Variants in KIAA1671 observed in about 807,000 individuals in gnomAD.
KIAA1671 encodes the protein KIAA1671.
KIAA1671 carries 52 observed loss-of-function variants against 131.2 expected under a neutral mutation model. The observed-to-expected ratio is 0.40, with a 90% CI of 0.32 to 0.50. The LOEUF (loss-of-function observed/expected upper bound fraction) is 0.50, where lower values mean the gene tolerates loss of function less well. KIAA1671 is among the 20% of genes least tolerant of loss of function. The probability of loss-of-function intolerance (pLI) is 0.73; values close to 1 mark genes in which losing one functional copy is unlikely to be tolerated. For synonymous variants in KIAA1671, 1,003 were observed against 961.6 expected (o/e 1.04, Z -0.80); for missense variants, 2,360 against 2,364.2 (o/e 1.00, Z 0.04).
At chr22:25,156,723 G>A (rs1298662621) in intron 6 of KIAA1671, among the ~76,000 whole-genome samples, 1 of 148,854 alleles carries the variant, frequency 6.7e-6, no homozygotes, top group Non-Finnish European at 1.5e-5. Flanking sequence ...ATCTGTGTGT[G>A]CGTGCATCTG....
chr22:25,036,967 T>C (rs940883558), intron 4 of KIAA1671, among the ~76,000 whole-genome samples: 3 of 152,020 alleles, frequency 2.0e-5, no homozygotes, highest in African/African-American at 7.2e-5. Flanking sequence ...GAACTTTGTA[T>C]TGTTTGGATT....
chr22:25,111,539 C>A (rs1931344616), intron 6 of KIAA1671, among the ~76,000 whole-genome samples: 1 of 152,220 alleles, frequency 6.6e-6, no homozygotes, highest in South Asian at 2.1e-4. Flanking sequence ...CTGGTGGCTG[C>A]CTCCGGAAGT....
intron 6 of KIAA1671, among the ~76,000 whole-genome samples, chr22:25,094,709 G>A (rs1336384821): frequency 1.3e-5 from 2 of 152,136 alleles, no homozygotes; most frequent in African/African-American, 4.8e-5. Context: ...AAAGGTGATT[G>A]TGAAAATGAA....
intron 6 of KIAA1671, among the ~76,000 whole-genome samples, chr22:25,069,089 C>T (rs909858882): frequency 6.6e-6 from 1 of 152,170 alleles, no homozygotes; most frequent in African/African-American, 2.4e-5. Flanking sequence ...ATTTGAATCC[C>T]TGTCTCACTG....
At chr22:25,186,864 GA>G (rs1437753456) in intron 11 of KIAA1671, among the ~76,000 whole-genome samples, 6 of 152,246 alleles carry the variant, frequency 3.9e-5, no homozygotes, top group African/African-American at 1.4e-4. Flanking sequence ...GGTAATGCCA[GA>G]ATTCTGGCTC....
At position 25,039,024 on chromosome 22, in the gene KIAA1671, C is replaced by T; in HGVS notation, c.1894C>T (p.Leu632Phe). 6.4e-7 allele frequency: 1 copy of T among 1,551,728 alleles called. No homozygotes were observed. Among genetic ancestry groups the T allele is most frequent in the Non-Finnish European group, 8.7e-7 (1 of 1,147,028 alleles). ...HTVADQSGRC[L>F]STTPPGDMAH... ...AGTGGCTGACCAGTCGGGACGTTGT[C>T]TCTCCACCACACCCCCTGGTGACAT... Residue 632 changes from leucine to phenylalanine, a missense_variant, in exon 5 of 13, where the codon CTC becomes TTC. Leu to Phe is a conservative substitution (Grantham distance 22). Around this residue, in one of 3 missense-constraint regions of KIAA1671, gnomAD observed 1,185 missense variants for 1,126.2 expected, o/e 1.05. Transcript: ENST00000358431.
At chr22:25,005,694 C>T (rs1924712382) in intron 1 of KIAA1671, among the ~76,000 whole-genome samples, 1 of 152,182 alleles carries the variant, frequency 6.6e-6, no homozygotes, top group East Asian at 1.9e-4. Flanking sequence ...GTCAGTGATG[C>T]CAAAGGTCAT....
intron 1 of KIAA1671, chr22:25,012,534 A>G (rs945086193): frequency 6.6e-6 from 1 of 152,016 alleles, no homozygotes; most frequent in Non-Finnish European, 1.5e-5. Flanking sequence ...GAGCCTCCCA[A>G]AGTGTTGAGA....
intron 1 of KIAA1671, among the ~76,000 whole-genome samples, chr22:24,978,718 CTG>C (rs1923046579): frequency 6.6e-6 from 1 of 152,188 alleles, no homozygotes; most frequent in Non-Finnish European, 1.5e-5. Context: ...GAGTCTCACT[CTG>C]TCACCCAGGC....
intron 6 of KIAA1671, among the ~76,000 whole-genome samples, chr22:25,105,031 C>CTT (rs75088120): frequency 6.7e-6 from 1 of 148,874 alleles, no homozygotes; most frequent in Admixed American, 6.7e-5. Flanking sequence ...CCTTCCTTTT[C>CTT]TTTTTTTTTT....
At chr22:25,054,793 G>A (rs905143132) in intron 6 of KIAA1671, 4 of 149,784 alleles carry the variant, frequency 2.7e-5, no homozygotes, top group Admixed American at 2.0e-4. Flanking sequence ...CTGAGAAGCA[G>A]GAGTTCGAGA....
chr22:25,078,158 G>C (rs1929213459), intron 6 of KIAA1671, among the ~76,000 whole-genome samples: 1 of 152,212 alleles, frequency 6.6e-6, no homozygotes, highest in Non-Finnish European at 1.5e-5. Context: ...CTGTCAGGCA[G>C]GGAGGTTGCT....
intron 6 of KIAA1671, among the ~76,000 whole-genome samples, chr22:25,125,713 T>A (rs1414126059): frequency 6.6e-6 from 1 of 152,214 alleles, no homozygotes; most frequent in African/African-American, 2.4e-5. Context: ...CAAAAATGTT[T>A]CCAGCCATTG....
At chr22:25,110,806 T>G (rs765886010) in intron 6 of KIAA1671, among the ~76,000 whole-genome samples, 15 of 152,116 alleles carry the variant, frequency 9.9e-5, no homozygotes, top group Admixed American at 2.6e-4. Context: ...CGTGACCTAG[T>G]GTAAACCATG....
intron 6 of KIAA1671, among the ~76,000 whole-genome samples, chr22:25,133,412 C>T (rs1932533617): frequency 6.6e-6 from 1 of 152,218 alleles, no homozygotes. Flanking sequence ...TTGTATCTTG[C>T]ATAACACACT....
intron 1 of KIAA1671, among the ~76,000 whole-genome samples, chr22:24,985,057 G>C (rs1923447805): frequency 6.6e-6 from 1 of 151,898 alleles, no homozygotes; most frequent in Non-Finnish European, 1.5e-5. Context: ...TGTTCCAGAA[G>C]CACGGAGCTG....
intron 6 of KIAA1671, among the ~76,000 whole-genome samples, chr22:25,093,075 T>A (rs1017336256): frequency 1.3e-5 from 2 of 152,172 alleles, no homozygotes; most frequent in South Asian, 4.1e-4. Context: ...AGCCGGCAAG[T>A]GACTATGTTC....
intron 6 of KIAA1671, among the ~76,000 whole-genome samples, chr22:25,164,819 G>T (rs530611375): frequency 2.0e-5 from 3 of 152,080 alleles, no homozygotes; most frequent in African/African-American, 7.2e-5. Context: ...CTGGTGGCAC[G>T]CACCTGTAGT....
At chr22:24,960,789 T>C (rs1921980060) in intron 1 of KIAA1671, among the ~76,000 whole-genome samples, 2 of 151,642 alleles carry the variant, frequency 1.3e-5, no homozygotes, top group African/African-American at 4.8e-5. Context: ...GAAGGGTGTT[T>C]AGAACGTTGA....
Sources: allele counts gnomAD v4.1 joint callset (sites outside exome capture counted in the v4.1 genomes callset), GRCh38; gene constraint gnomAD v4.1.1; regional missense constraint gnomAD v4.1.1; transcripts MANE v1.5; gene names NCBI Gene and HGNC (gene_info 2026-07-23, HGNC 2026-07-21).